The following PCDHA1 variants were observed in gnomAD, a reference collection of about 807,000 sequenced individuals.
PCDHA1 encodes protocadherin alpha-1.
PCDHA1 carries 42 observed loss-of-function variants against 61.3 expected under a neutral mutation model. That is an observed-to-expected ratio of 0.69 (90% CI 0.54 to 0.89). The LOEUF is 0.89. Among genes scored for constraint, PCDHA1 ranks in the 40% least tolerant of loss-of-function variants. PCDHA1 has a pLI of 0.00. For synonymous variants in PCDHA1, 610 were observed against 553.8 expected, an observed-to-expected ratio of 1.10 and a Z score of -1.43; for missense variants, 1,256 against 1,235.3, an observed-to-expected ratio of 1.02 and a Z score of -0.25.
In PCDHA1 at chr5:140,857,691, T is replaced by A. The variant is rs189067845; in HGVS notation, c.2394+69007T>A. ...GGCGTGCCGCCTCTGGGCAGCAACTTGACGCTGCAGGTGTTCGTGCTGGAC... is the reference window on the plus strand; with the variant it reads ...GGCGTGCCGCCTCTGGGCAGCAACTAGACGCTGCAGGTGTTCGTGCTGGAC... On this transcript the variant is annotated intron_variant, in intron 1 of 3. Coordinates refer to ENST00000504120, the MANE Select transcript of PCDHA1 (RefSeq NM_018900.4). 1.9e-6 allele frequency: 3 copies of A among 1,597,120 alleles called. 1 individual carries two copies. The highest frequency in any genetic ancestry group is 2.6e-6 in the Non-Finnish European group (3 of 1,167,726).
At chr5:140,854,796 A>G (rs1379187736) in intron 1 of PCDHA1, 2 of 149,770 alleles carry the variant, frequency 1.3e-5, no homozygotes, top group African/African-American at 4.9e-5. Flanking sequence ...TTGAGAGAGA[A>G]AAAAATATTT....
intron 1 of PCDHA1, chr5:140,850,407 G>C: frequency 6.3e-7 from 1 of 1,597,938 alleles, no homozygotes; most frequent in Non-Finnish European, 8.6e-7. Context: ...GCGTGCCCTG[G>C]ACGAAACGGA....
At chr5:140,921,071 T>C (rs2080004942) in intron 1 of PCDHA1, among the ~76,000 whole-genome samples, 1 of 152,054 alleles carries the variant, frequency 6.6e-6, no homozygotes, top group Admixed American at 6.6e-5. Flanking sequence ...CCTTGAACTC[T>C]TGGGCTCAAG....
intron 1 of PCDHA1, chr5:140,825,743 A>G (rs1292494101): frequency 1.3e-5 from 2 of 152,438 alleles, no homozygotes; most frequent in Non-Finnish European, 1.5e-5. Context: ...ATTGATGAGG[A>G]GTAACTGTGA....
At position 140,806,169 on chromosome 5, in the gene PCDHA1, T is replaced by A. The variant is rs12655578; in HGVS notation, c.2394+17485T>A. Reference sequence around the variant, plus strand: ...TAAGTGGTTATAAAATGGGGTAAATTGGCTTTAGAAGAGTTTAGAAATGAT... The same window carrying A: ...TAAGTGGTTATAAAATGGGGTAAATAGGCTTTAGAAGAGTTTAGAAATGAT... On this transcript the variant is annotated intron_variant, in intron 1 of 3. Coordinates refer to ENST00000504120, the MANE Select transcript of PCDHA1 (RefSeq NM_018900.4). 3.3e-5 allele frequency among the ~76,000 whole-genome samples: 5 copies of A among 152,266 alleles called. No individual in the cohort carries two copies. In the East Asian group the frequency reaches 9.6e-4, roughly 29 times the overall value.
At chr5:141,006,606 C>T (rs782461917) in intron 3 of PCDHA1, among the ~76,000 whole-genome samples, 3 of 152,112 alleles carry the variant, frequency 2.0e-5, no homozygotes, top group Non-Finnish European at 4.4e-5. Flanking sequence ...TGGAAGCAGA[C>T]TGAATAAGGA....
In PCDHA1 at chr5:140,836,093, G is replaced by T. The variant is rs1554135604; in HGVS notation, c.2394+47409G>T. ...CGCCGGCACTGCTGGCGCCTCGGGTGGGTGGCACTGGTGGCGCAGTGAGAG... is the reference window on the plus strand; with the variant it reads ...CGCCGGCACTGCTGGCGCCTCGGGTTGGTGGCACTGGTGGCGCAGTGAGAG... On this transcript the variant is annotated intron_variant, in intron 1 of 3. Coordinates refer to ENST00000504120, the MANE Select transcript of PCDHA1 (RefSeq NM_018900.4). 1.9e-6 allele frequency: 3 copies of T among 1,613,720 alleles called. No homozygotes were observed. The South Asian group carries it at 3.3e-5, about 18-fold the overall frequency.
rs545409584 is a variant in PCDHA1, at chr5:140,952,105, G to A, written c.2395-26844G>A. 3.3e-5 allele frequency among the ~76,000 whole-genome samples: 5 copies of A among 152,218 alleles called. 1 individual carries two copies. Among genetic ancestry groups the A allele is most frequent in the African/African-American group, 4.8e-5 (2 of 41,536 alleles). ...CATGTCTCACATCCAGGGCACACTC[G>A]TGTGAGGGATGGGCTCCCAAGGCCT... is the stretch of plus-strand genomic sequence containing the variant. On this transcript the variant is annotated intron_variant, in intron 1 of 3. Coordinates refer to ENST00000504120, the MANE Select transcript of PCDHA1 (RefSeq NM_018900.4).
chr5:140,998,497 G>A (rs1367409428), intron 3 of PCDHA1, among the ~76,000 whole-genome samples: 2 of 152,090 alleles, frequency 1.3e-5, no homozygotes, highest in East Asian at 3.8e-4. Flanking sequence ...TTTGAGAACA[G>A]GGTACTTGTC....
intron 1 of PCDHA1, among the ~76,000 whole-genome samples, chr5:140,941,202 C>CTTTCCTT (rs1554213921): frequency 5.7e-5 from 7 of 122,742 alleles, no homozygotes; most frequent in Admixed American, 1.7e-4. Flanking sequence ...TTTCTTTCTT[C>CTTTCCTT]CTTTCTTTCT....
At chr5:140,862,203 C>G (rs1481623018) in intron 1 of PCDHA1, 1 of 175,658 alleles carries the variant, frequency 5.7e-6, no homozygotes, top group Non-Finnish European at 1.2e-5. Context: ...AATGTTTGAT[C>G]ACTGCACAGA....
intron 1 of PCDHA1, chr5:140,795,123 G>A (rs1761918883): frequency 1.2e-6 from 2 of 1,614,014 alleles, no homozygotes; most frequent in African/African-American, 1.3e-5. Context: ...AGGACCTGGG[G>A]CTGGAGCTGG....
At chr5:140,966,802 G>A in intron 1 of PCDHA1, 4 of 1,542,100 alleles carry the variant, frequency 2.6e-6, no homozygotes, top group Non-Finnish European at 2.6e-6. Context: ...CGGCGACAGA[G>A]CATCCACGGC....
At chr5:140,946,610 A>AT (rs2093970425) in intron 1 of PCDHA1, among the ~76,000 whole-genome samples, 1 of 119,932 alleles carries the variant, frequency 8.3e-6, no homozygotes, top group African/African-American at 3.4e-5. Flanking sequence ...AGAAAATGTG[A>AT]AATATATATA....
At chr5:140,906,693 G>T (rs887867103) in intron 1 of PCDHA1, among the ~76,000 whole-genome samples, 3 of 152,082 alleles carry the variant, frequency 2.0e-5, no homozygotes, top group African/African-American at 7.2e-5. Flanking sequence ...GAAGGATCTG[G>T]GCCATTTGTA....
chr5:141,004,745 A>C (rs1282005519), intron 3 of PCDHA1, among the ~76,000 whole-genome samples: 2 of 152,158 alleles, frequency 1.3e-5, no homozygotes, highest in Non-Finnish European at 2.9e-5. Flanking sequence ...CTTTTGTCTC[A>C]GTCTCTTAGA....
At chr5:140,807,997 C>T in intron 1 of PCDHA1, 3 of 1,613,450 alleles carry the variant, frequency 1.9e-6, no homozygotes, top group Non-Finnish European at 2.5e-6. Context: ...CAGATTTAGA[C>T]GAAGGATTGA....
At chr5:140,833,148 T>A (rs145941830) in intron 1 of PCDHA1, among the ~76,000 whole-genome samples, 2 of 152,132 alleles carry the variant, frequency 1.3e-5, no homozygotes, top group Admixed American at 1.3e-4. Context: ...TGTGAAGCAA[T>A]ACGAATAAAA....
intron 1 of PCDHA1, chr5:140,841,768 C>G: frequency 6.2e-7 from 1 of 1,613,936 alleles, no homozygotes; most frequent in South Asian, 1.1e-5. Flanking sequence ...GAATGCCAGA[C>G]TCTCGGTTTC....
Sources: allele counts gnomAD v4.1 joint callset (sites outside exome capture counted in the v4.1 genomes callset), GRCh38; gene constraint gnomAD v4.1.1; transcripts MANE v1.5; gene names NCBI Gene and HGNC (gene_info 2026-07-23, HGNC 2026-07-21).